Variants in PROCR observed in about 807,000 individuals in gnomAD.
The protein encoded by PROCR is endothelial protein C receptor.
Under a neutral mutation model 24.2 loss-of-function variants are expected in PROCR, and 22 were observed. That is an observed-to-expected ratio of 0.91 (90% confidence interval 0.65 to 1.30). The LOEUF (loss-of-function observed/expected upper bound fraction) is 1.30, where lower values mean the gene tolerates loss of function less well. Among genes scored for constraint, PROCR ranks in the 50% most tolerant of loss-of-function variants. PROCR has a pLI of 0.00. For synonymous variants in PROCR, 137 were observed against 139.2 expected (o/e 0.98, Z 0.11); for missense variants, 288 against 307.7 (o/e 0.94, Z 0.48).
intron 1 of PROCR, among the ~76,000 whole-genome samples, chr20:35,214,690 A>C (rs1396055190): frequency 1.5e-5 from 2 of 133,664 alleles, no homozygotes; most frequent in Non-Finnish European, 3.0e-5. Flanking sequence ...CTCCATCTCA[A>C]AAAAAAAAAA....
upstream of PROCR, chr20:35,171,981 A>C: frequency 1.5e-6 from 1 of 683,474 alleles, no homozygotes; most frequent in Non-Finnish European, 2.6e-6. Context: ...GACACAGTAG[A>C]AATAACACTT....
chr20:35,187,040 C>T (rs900171003), intron 1 of PROCR, among the ~76,000 whole-genome samples: 7 of 152,010 alleles, frequency 4.6e-5, no homozygotes, highest in Non-Finnish European at 1.0e-4. Context: ...TCCTTCTTTG[C>T]GCTTCCTCAA....
At chr20:35,205,023 A>G (rs1331031886) in intron 1 of PROCR, among the ~76,000 whole-genome samples, 1 of 152,136 alleles carries the variant, frequency 6.6e-6, no homozygotes, top group Admixed American at 6.6e-5. Flanking sequence ...CTGTAATCCC[A>G]GCACTTTGGG....
At chr20:35,207,394 A>G (rs3055593) in intron 1 of PROCR, among the ~76,000 whole-genome samples, 7,907 of 79,428 alleles carry the variant, frequency 0.1, 226 homozygotes, top group Non-Finnish European at 0.13. Flanking sequence ...ATGTTTGTGT[A>G]TATATATATA....
At chr20:35,201,156 T>C (rs1360340553) in intron 1 of PROCR, among the ~76,000 whole-genome samples, 1 of 150,862 alleles carries the variant, frequency 6.6e-6, no homozygotes, top group Non-Finnish European at 1.5e-5. Flanking sequence ...TTATTATCCC[T>C]AGATCAACAG....
intron 1 of PROCR, among the ~76,000 whole-genome samples, chr20:35,198,416 T>C (rs941215326): frequency 6.6e-6 from 1 of 152,210 alleles, no homozygotes; most frequent in African/African-American, 2.4e-5. Context: ...CAACATTCCC[T>C]TAAGCCAAAA....
intron 1 of PROCR, among the ~76,000 whole-genome samples, chr20:35,173,217 A>C (rs750259031): frequency 2.0e-5 from 3 of 152,026 alleles, no homozygotes; most frequent in Non-Finnish European, 4.4e-5. Context: ...GAGATTACCA[A>C]GCATGGTTCC....
At chr20:35,183,109 CTCTT>C (rs752960376) in intron 1 of PROCR, among the ~76,000 whole-genome samples, 1 of 151,880 alleles carries the variant, frequency 6.6e-6, no homozygotes, top group Non-Finnish European at 1.5e-5. Context: ...ATTTAATACT[CTCTT>C]TGGTCTTGTA....
chr20:35,193,332 C>T (rs1382335973), intron 1 of PROCR, among the ~76,000 whole-genome samples: 4 of 152,162 alleles, frequency 2.6e-5, no homozygotes, highest in South Asian at 2.1e-4. Flanking sequence ...CATGCCACCA[C>T]GCCCAGCTAA....
downstream of PROCR, among the ~76,000 whole-genome samples, chr20:35,179,067 TA>T (rs1348877867): frequency 1.4e-5 from 2 of 147,788 alleles, no homozygotes; most frequent in African/African-American, 2.5e-5. Context: ...CTGTCTCTAC[TA>T]AACAAAAACA....
At chr20:35,211,900 C>T (rs898923038) in intron 1 of PROCR, among the ~76,000 whole-genome samples, 1 of 151,980 alleles carries the variant, frequency 6.6e-6, no homozygotes, top group Admixed American at 6.6e-5. Context: ...ACTGTAATCC[C>T]AGCTACTTGG....
At chr20:35,207,667 C>T (rs2060347507) in intron 1 of PROCR, among the ~76,000 whole-genome samples, 1 of 151,904 alleles carries the variant, frequency 6.6e-6, no homozygotes, top group Non-Finnish European at 1.5e-5. Flanking sequence ...GTAGCTGAGA[C>T]TACAGGCGCT....
At position 35,176,705 on chromosome 20, in the gene PROCR, A is replaced by G. The variant is rs775314485; in HGVS notation, c.609A>G (p.Gln203=). Residue 203 remains glutamine, a synonymous_variant, in exon 4 of 4, where the codon CAA becomes CAG. Transcript: ENST00000216968. The part of the protein sequence containing the change: ...HISAENTKGS[Q]TSRSYTSLVL... The stretch of plus-strand genomic sequence containing the variant: ...TCTTTGCATGTTCTGCAGGGAGCCA[A>G]ACAAGCCGCTCCTACACTTCGCTGG... The G allele has an allele frequency of 6.2e-7, 1 of 1,609,908 alleles. No homozygotes were observed. Among genetic ancestry groups the G allele is most frequent in the South Asian group, 1.1e-5 (1 of 90,168 alleles).
chr20:35,179,024 G>C (rs2146149706), downstream of PROCR, among the ~76,000 whole-genome samples: 1 of 150,076 alleles, frequency 6.7e-6, no homozygotes, highest in East Asian at 2.0e-4. Context: ...AAGGTCAGGA[G>C]ATCGAGACCA....
chr20:35,207,655 G>A (rs189010374), intron 1 of PROCR, among the ~76,000 whole-genome samples: 358 of 151,864 alleles, frequency 2.4e-3, no homozygotes, highest in Non-Finnish European at 4.4e-3. Context: ...TCAGCCTCCC[G>A]AGTAGCTGAG....
At chr20:35,173,439 T>C (rs2085971317) in intron 1 of PROCR, among the ~76,000 whole-genome samples, 1 of 142,430 alleles carries the variant, frequency 7.0e-6, no homozygotes, top group Non-Finnish European at 1.5e-5. Context: ...TTTTTTTTTT[T>C]TTTTTTTTGA....
At chr20:35,209,457 T>C (rs2060353936) in intron 1 of PROCR, among the ~76,000 whole-genome samples, 1 of 152,226 alleles carries the variant, frequency 6.6e-6, no homozygotes, top group Admixed American at 6.5e-5. Flanking sequence ...GAGCAAGGTC[T>C]ATGCTAGAAA....
At chr20:35,191,800 T>C (rs1444296575) in intron 1 of PROCR, among the ~76,000 whole-genome samples, 1 of 152,210 alleles carries the variant, frequency 6.6e-6, no homozygotes, top group Non-Finnish European at 1.5e-5. Flanking sequence ...ATCTGTACTT[T>C]GCTATTTGTT....
chr20:35,199,367 A>T (rs2060310531), intron 1 of PROCR, among the ~76,000 whole-genome samples: 1 of 152,222 alleles, frequency 6.6e-6, no homozygotes, highest in African/African-American at 2.4e-5. Flanking sequence ...GGAGATGTAC[A>T]AGGAGATTCA....
Sources: allele counts gnomAD v4.1 joint callset (sites outside exome capture counted in the v4.1 genomes callset), GRCh38; gene constraint gnomAD v4.1.1; transcripts MANE v1.5; gene names NCBI Gene and HGNC (gene_info 2026-07-23, HGNC 2026-07-21).